PPP2R5D: variants seen among roughly 807,000 people sequenced by gnomAD.
The protein encoded by PPP2R5D is protein phosphatase 2 regulatory subunit B'delta.
PPP2R5D carries 12 observed loss-of-function variants against 79.1 expected under a neutral mutation model. That is an observed-to-expected ratio of 0.15 (90% CI 0.10 to 0.25). The LOEUF (loss-of-function observed/expected upper bound fraction) is 0.25, where lower values mean the gene tolerates loss of function less well. Among genes scored for constraint, PPP2R5D ranks in the 10% least tolerant of loss-of-function variants. PPP2R5D has a pLI of 1.00. For missense variants in PPP2R5D, 419 were observed against 760.2 expected (o/e 0.55, Z 5.28); for synonymous variants, 277 against 286.6 (o/e 0.97, Z 0.34).
chr6:42,996,090 C>T (rs1479800422), intron 2 of PPP2R5D, among the ~76,000 whole-genome samples: 8 of 147,814 alleles, frequency 5.4e-5, no homozygotes, highest in Non-Finnish European at 1.2e-4. Flanking sequence ...GTGATCCGCC[C>T]GCCTCGGCCT....
rs139569890 is a variant in PPP2R5D at position 43,009,295 on chromosome 6, C to T, written c.1252-27C>T. Reference sequence around the variant, plus strand: ...GAGGTCTTGAGTGAAATGAGCAGCACCCACCGAGTCTGCCTCTCCCCACCA... The same window carrying T: ...GAGGTCTTGAGTGAAATGAGCAGCATCCACCGAGTCTGCCTCTCCCCACCA... On this transcript the variant is annotated intron_variant, in intron 11 of 15. Coordinates refer to ENST00000485511, the MANE Select transcript of PPP2R5D (RefSeq NM_006245.4). The surrounding 1 kb of genome is among the most constrained non-coding windows in gnomAD (Gnocchi z 5.6). 911 of 1,613,992 alleles carry T rather than the reference C, an allele frequency of 5.6e-4. 5 individuals are homozygous for T. The African/African-American group carries it at 0.01, about 18-fold the overall frequency.
chr6:42,997,858 T>C (rs1374738736), intron 2 of PPP2R5D, among the ~76,000 whole-genome samples: 3 of 150,860 alleles, frequency 2.0e-5, no homozygotes, highest in Admixed American at 6.7e-5. Flanking sequence ...CTTCTGTATT[T>C]TTAGTAGAGA....
intron 2 of PPP2R5D, among the ~76,000 whole-genome samples, chr6:42,999,620 C>T (rs1456750273): frequency 3.9e-5 from 6 of 152,142 alleles, no homozygotes; most frequent in Admixed American, 1.3e-4. Context: ...GGCTGGATTG[C>T]AGTGGCACGA....
In PPP2R5D at chr6:43,009,282, G is replaced by A. The variant is rs912153562; in HGVS notation, c.1252-40G>A. On this transcript the variant is annotated intron_variant, in intron 11 of 15. Transcript: ENST00000485511. This position sits in a 1 kb window ranked among gnomAD's most constrained non-coding sequence, Gnocchi z 5.6. ...CCTGCCAGAAACTGAGGTCTTGAGTGAAATGAGCAGCACCCACCGAGTCTG... is the reference window on the plus strand; with the variant it reads ...CCTGCCAGAAACTGAGGTCTTGAGTAAAATGAGCAGCACCCACCGAGTCTG... 1 of 1,613,828 alleles carries A rather than the reference G, an allele frequency of 6.2e-7. No individual in the cohort carries two copies. The highest frequency in any genetic ancestry group is 1.7e-5 in the Admixed American group (1 of 59,988).
Position 42,984,626 on chromosome 6 carries a change from G to T in PPP2R5D, c.-52G>T. 2 of 1,566,444 alleles carry T rather than the reference G, an allele frequency of 1.3e-6. No individual in the cohort carries two copies. The highest frequency in any genetic ancestry group is 2.7e-5 in the African/African-American group (2 of 72,854). ...AGCGGGCCGAGTGCGGCCGAGCAAAGCCGGAGCCGGAGCGGGGCCGCAGGA... is the reference window on the plus strand; with the variant it reads ...AGCGGGCCGAGTGCGGCCGAGCAAATCCGGAGCCGGAGCGGGGCCGCAGGA... On this transcript the variant is annotated 5_prime_UTR_variant, in exon 1 of 16. Coordinates refer to ENST00000485511, the MANE Select transcript of PPP2R5D (RefSeq NM_006245.4).
chr6:43,003,203 A>C (rs1314251384), intron 2 of PPP2R5D, among the ~76,000 whole-genome samples: 1 of 152,112 alleles, frequency 6.6e-6, no homozygotes, highest in Non-Finnish European at 1.5e-5. Context: ...CAGGTGGATT[A>C]ATTTAGGTCA....
chr6:43,002,441 G>C (rs1472861124), intron 2 of PPP2R5D, among the ~76,000 whole-genome samples: 3 of 152,062 alleles, frequency 2.0e-5, no homozygotes, highest in African/African-American at 7.3e-5. Context: ...GGGATTACAG[G>C]TGTGAGCCAC....
At chr6:42,991,461 G>A (rs1771259487) in intron 2 of PPP2R5D, among the ~76,000 whole-genome samples, 1 of 152,100 alleles carries the variant, frequency 6.6e-6, no homozygotes, top group Non-Finnish European at 1.5e-5. Flanking sequence ...ACCTCGCGAG[G>A]GCTTCTGTTA....
At chr6:43,002,800 T>C (rs1761831267) in intron 2 of PPP2R5D, among the ~76,000 whole-genome samples, 1 of 152,290 alleles carries the variant, frequency 6.6e-6, no homozygotes, top group South Asian at 2.1e-4. Context: ...TTTCAAGTTC[T>C]TCTATTATTA....
chr6:42,994,334 A>G (rs892351547), intron 2 of PPP2R5D, among the ~76,000 whole-genome samples: 5 of 152,176 alleles, frequency 3.3e-5, no homozygotes, highest in African/African-American at 9.7e-5. Flanking sequence ...GTAAGGCAGT[A>G]AGGCAGAGCT....
chr6:42,995,390 C>A (rs1581815650), intron 2 of PPP2R5D, among the ~76,000 whole-genome samples: 1 of 152,168 alleles, frequency 6.6e-6, no homozygotes, highest in Non-Finnish European at 1.5e-5. Flanking sequence ...GCCTTGGCCT[C>A]TGAAAGTGCT....
chr6:42,998,044 T>C (rs1434575199), intron 2 of PPP2R5D, among the ~76,000 whole-genome samples: 15 of 29,260 alleles, frequency 5.1e-4, no homozygotes, highest in African/African-American at 1.4e-3. Flanking sequence ...TATATATATA[T>C]ATATATATAT....
chr6:42,990,626 C>G (rs1487554705), intron 2 of PPP2R5D, among the ~76,000 whole-genome samples: 1 of 151,108 alleles, frequency 6.6e-6, no homozygotes, highest in African/African-American at 2.4e-5. Context: ...AGGTTTTCCC[C>G]ATTTTATAGG....
At chr6:42,992,634 A>T (rs1339960854) in intron 2 of PPP2R5D, among the ~76,000 whole-genome samples, 2 of 151,966 alleles carry the variant, frequency 1.3e-5, no homozygotes, top group South Asian at 4.2e-4. Context: ...GGCAACATAC[A>T]GAGACCCTGT....
rs1762283834 is a variant in PPP2R5D, at chr6:43,010,175, G to A, written c.1380-293G>A. On this transcript the variant is annotated intron_variant, in intron 12 of 15. Transcript: ENST00000485511. The surrounding 1 kb of genome is among the most constrained non-coding windows in gnomAD (Gnocchi z 4.7). ...ATCTACATGCCCATCATGCTGCTGG[G>A]AGGCCATTAGTGTGGGTTAGAGTGG... Among the ~76,000 whole-genome samples the A allele has an allele frequency of 6.6e-6, 1 of 152,216 alleles. No homozygotes were observed. Among genetic ancestry groups the A allele is most frequent in the African/African-American group, 2.4e-5 (1 of 41,448 alleles).
intron 2 of PPP2R5D, among the ~76,000 whole-genome samples, chr6:42,993,198 G>C (rs996024777): frequency 6.6e-6 from 1 of 152,100 alleles, no homozygotes; most frequent in Admixed American, 6.5e-5. Flanking sequence ...TAGGGAGGCT[G>C]AGGCAGGAGA....
chr6:42,994,845 T>TA (rs1771526130), intron 2 of PPP2R5D, among the ~76,000 whole-genome samples: 2 of 151,404 alleles, frequency 1.3e-5, no homozygotes, highest in South Asian at 4.2e-4. Flanking sequence ...ATTAATGTCA[T>TA]AGACTCCTCT....
In PPP2R5D at chr6:43,011,211, C is replaced by T. The variant is rs757010271; in HGVS notation, c.1734C>T (p.Asp578=). 6.8e-6 allele frequency: 11 copies of T among 1,614,136 alleles called. No homozygotes were observed. Among genetic ancestry groups the T allele is most frequent in the Admixed American group, 5.0e-5 (3 of 60,016 alleles). ...LLRRKSELPQ[D]VYTIKALEAH... ...GGAGGAAGTCGGAGCTGCCCCAGGA[C>T]GTGTACACCATCAAGGCACTGGAGG... Residue 578 remains aspartate, a synonymous_variant, in exon 16 of 16, where the codon GAC becomes GAT. Transcript: ENST00000485511.
chr6:42,991,099 C>A (rs1771234514), intron 2 of PPP2R5D, among the ~76,000 whole-genome samples: 1 of 152,214 alleles, frequency 6.6e-6, no homozygotes, highest in Non-Finnish European at 1.5e-5. Context: ...TCCTCTCAGA[C>A]TGTGAACTCC....
Sources: gnomAD v4.1 joint callset for allele counts (sites outside exome capture counted in the v4.1 genomes callset) on GRCh38, gnomAD v4.1.1 for gene constraint, Gnocchi (gnomAD v3.1) non-coding constraint, MANE v1.5 for transcripts, NCBI Gene and HGNC (gene_info 2026-07-23, HGNC 2026-07-21) for gene names.